The following ABCB11 variants were observed in gnomAD, a reference collection of about 807,000 sequenced individuals.
ABCB11 encodes bile salt export pump.
In ABCB11, 95 loss-of-function variants were observed where a neutral mutation model predicts 148.0. That is an observed-to-expected ratio of 0.64 (90% confidence interval 0.54 to 0.76). ABCB11 has a LOEUF of 0.76. Ranked by LOEUF, ABCB11 falls within the 30% of genes least tolerant of loss-of-function variation. The pLI, the probability that ABCB11 is intolerant of heterozygous loss-of-function variation, is 0.00. For missense variants in ABCB11, 1,523 were observed against 1,617.8 expected (o/e 0.94, Z 1.01); for synonymous variants, 591 against 555.4 (o/e 1.06, Z -0.90).
At chr2:168,981,420 C>T (rs528038075) in intron 10 of ABCB11, among the ~76,000 whole-genome samples, 1 of 152,188 alleles carries the variant, frequency 6.6e-6, no homozygotes, top group Non-Finnish European at 1.5e-5. Flanking sequence ...ATCTTTCAAG[C>T]CCCCATTTCT....
chr2:168,962,582 C>T (rs1043842403), intron 18 of ABCB11, among the ~76,000 whole-genome samples: 4 of 151,586 alleles, frequency 2.6e-5, no homozygotes, highest in Non-Finnish European at 5.9e-5. Context: ...TCCTTTCTTA[C>T]TTTTACTTTT....
At position 168,935,322 on chromosome 2, in the gene ABCB11, GTCTTGAAGGGCT is replaced by G. The variant is rs759850007; in HGVS notation, c.2906_2917del (p.Lys969_Lys972del). ...GTAAATATTGGCTTTCTGAATGGCT[GTCTTGAAGGGCT>G]TCTCCAGCTCAGTCTCAAGTGCTTC... On this transcript the variant is annotated inframe_deletion, in exon 23 of 28. Coordinates refer to ENST00000650372, the MANE Select transcript of ABCB11 (RefSeq NM_003742.4). 2 of 1,614,042 alleles carry G rather than the reference GTCTTGAAGGGCT, an allele frequency of 1.2e-6. No homozygotes were observed. The highest frequency in any genetic ancestry group is 1.7e-6 in the Non-Finnish European group (2 of 1,179,902).
chr2:168,949,432 T>C (rs1434403970), intron 19 of ABCB11, among the ~76,000 whole-genome samples: 3 of 151,638 alleles, frequency 2.0e-5, no homozygotes, highest in African/African-American at 7.3e-5. Flanking sequence ...TAGCTCTCAC[T>C]TTTAAGTGAG....
chr2:168,985,220 T>A (rs1694274145), intron 10 of ABCB11, among the ~76,000 whole-genome samples: 1 of 152,060 alleles, frequency 6.6e-6, no homozygotes, highest in South Asian at 2.1e-4. Flanking sequence ...CTTGCAAGAA[T>A]GGCTATAATA....
chr2:168,948,000 T>C (rs1005987926), intron 19 of ABCB11, among the ~76,000 whole-genome samples: 3 of 151,516 alleles, frequency 2.0e-5, no homozygotes, highest in African/African-American at 7.3e-5. Flanking sequence ...ATCTTAGAGA[T>C]CATCTTTTAA....
At chr2:169,015,681 C>T (rs1480882291) in intron 3 of ABCB11, among the ~76,000 whole-genome samples, 1 of 152,132 alleles carries the variant, frequency 6.6e-6, no homozygotes, top group African/African-American at 2.4e-5. Context: ...ACCCCCCACG[C>T]ACCATTTCAT....
intron 18 of ABCB11, among the ~76,000 whole-genome samples, chr2:168,963,407 T>C (rs1393915755): frequency 6.6e-6 from 1 of 151,666 alleles, no homozygotes; most frequent in African/African-American, 2.4e-5. Context: ...CCATGAAAAT[T>C]TTCTAACGAA....
intron 26 of ABCB11, among the ~76,000 whole-genome samples, chr2:168,926,879 C>T (rs887359130): frequency 1.3e-5 from 2 of 152,124 alleles, no homozygotes; most frequent in South Asian, 2.1e-4. Flanking sequence ...TTCTTATCTA[C>T]TTTATACACA....
In ABCB11 at chr2:168,991,596, C is replaced by A. The variant is rs114410986; in HGVS notation, c.784-671G>T. ...TAAGAAGAGGAAAAAACACATATTGCGGAAGATCAACTAGCTCAGAAATAT... is the reference window on the plus strand; with the variant it reads ...TAAGAAGAGGAAAAAACACATATTGAGGAAGATCAACTAGCTCAGAAATAT... On this transcript the variant is annotated intron_variant, in intron 8 of 27. Coordinates refer to ENST00000650372, the MANE Select transcript of ABCB11 (RefSeq NM_003742.4). Among the ~76,000 whole-genome samples the A allele has an allele frequency of 7.7e-3, 1,163 of 152,016 alleles. 12 individuals are homozygous for A. The highest frequency in any genetic ancestry group is 0.02 in the Middle Eastern group (6 of 294).
intron 21 of ABCB11, among the ~76,000 whole-genome samples, chr2:168,936,778 A>G (rs1420909237): frequency 6.6e-6 from 1 of 152,202 alleles, no homozygotes; most frequent in Non-Finnish European, 1.5e-5. Context: ...GTAGAATCAT[A>G]CAATATTTTT....
Position 168,996,637 on chromosome 2 carries a change from G to T in ABCB11, c.475C>A (p.Gln159Lys). Residue 159 changes from glutamine to lysine, a missense_variant and splice_region_variant, in exon 6 of 28, where the codon CAA becomes AAA. Transcript: ENST00000650372. ...AVAVLITGYI[Q>K]ICFWVIAAAR... ...AATTATACGGAGGAGCTACTAACTT[G>T]AATATATCCTGTGATAAGTACTGCG... The T allele has an allele frequency of 1.3e-6, 2 of 1,508,868 alleles. No individual in the cohort carries two copies. Among genetic ancestry groups the T allele is most frequent in the Non-Finnish European group, 1.8e-6 (2 of 1,117,716 alleles). The allele number at this position is 1,508,868 out of a possible 1,614,324, so 93.5% of individuals were successfully genotyped here. A position where few individuals can be genotyped will look rare whatever the true frequency, so the allele number is the denominator to read the frequency against.
In ABCB11 at chr2:168,944,930, C is replaced by A; in HGVS notation, c.2375G>T (p.Arg792Met). Reference protein sequence around the residue: ...TFSIPDKEEQRSQINGVCLLF... With the variant: ...TFSIPDKEEQMSQINGVCLLF... ...TAGGCACACACCATTGATCTGTGAC[C>A]TTTGTTCCTCTTTATCAGGAATTGA... The change falls in exon 20 of 28, where the codon AGG becomes ATG. Residue 792 changes from arginine to methionine, a missense_variant. Coordinates refer to ENST00000650372, the MANE Select transcript of ABCB11 (RefSeq NM_003742.4). The A allele has an allele frequency of 1.3e-6, 2 of 1,563,218 alleles. No individual in the cohort carries two copies. The highest frequency in any genetic ancestry group is 1.4e-5 in the African/African-American group (1 of 73,654).
intron 25 of ABCB11, among the ~76,000 whole-genome samples, chr2:168,929,041 C>T (rs1297014718): frequency 6.6e-6 from 1 of 152,064 alleles, no homozygotes; most frequent in Non-Finnish European, 1.5e-5. Flanking sequence ...TTATACTCTT[C>T]ATAATAGTAT....
At chr2:168,934,225 G>C (rs1261950512) in intron 23 of ABCB11, among the ~76,000 whole-genome samples, 6 of 152,200 alleles carry the variant, frequency 3.9e-5, no homozygotes, top group Middle Eastern at 6.8e-3. Context: ...TTAGAAAAGA[G>C]ACACTTTCCT....
intron 5 of ABCB11, among the ~76,000 whole-genome samples, chr2:168,999,337 T>G (rs1156860329): frequency 1.3e-5 from 2 of 151,982 alleles, no homozygotes; most frequent in African/African-American, 2.4e-5. Flanking sequence ...AGCTTACAGA[T>G]TTACTAAAGC....
intron 14 of ABCB11, 99 bp from the exon 15 acceptor site, chr2:168,970,314 G>A: frequency 1.3e-6 from 2 of 1,545,864 alleles, no homozygotes; most frequent in South Asian, 1.2e-5. Flanking sequence ...TTCTTCTCAA[G>A]CACGAATTTT....
intron 5 of ABCB11, among the ~76,000 whole-genome samples, chr2:169,012,405 A>G (rs1332862728): frequency 6.6e-6 from 1 of 152,146 alleles, no homozygotes; most frequent in Non-Finnish European, 1.5e-5. Context: ...AAACAGTAGC[A>G]TAGTGACTGT....
rs552031208 is a variant in ABCB11, at chr2:168,939,405, A to C, written c.2611-2972T>G. Reference sequence around the variant, plus strand: ...ATTGAAAAACTTTGTACATTGTATGAAAGTGTCAGTTATTCCCCATCCTCA... The same window carrying C: ...ATTGAAAAACTTTGTACATTGTATGCAAGTGTCAGTTATTCCCCATCCTCA... On this transcript the variant is annotated intron_variant, in intron 21 of 27. Coordinates refer to ENST00000650372, the MANE Select transcript of ABCB11 (RefSeq NM_003742.4). Among the ~76,000 whole-genome samples the C allele has an allele frequency of 1.1e-4, 16 of 152,242 alleles. No individual in the cohort carries two copies. The South Asian group carries it at 3.3e-3, about 32-fold the overall frequency.
At chr2:168,950,140 T>TACACACAC (rs36026125) in intron 19 of ABCB11, among the ~76,000 whole-genome samples, 1 of 143,976 alleles carries the variant, frequency 6.9e-6, no homozygotes, top group African/African-American at 2.6e-5. Context: ...TATATATATA[T>TACACACAC]ACACACACAC....
Sources: gnomAD v4.1 joint callset for allele counts (sites outside exome capture counted in the v4.1 genomes callset) on GRCh38, gnomAD v4.1.1 for gene constraint, MANE v1.5 for transcripts, NCBI Gene and HGNC (gene_info 2026-07-23, HGNC 2026-07-21) for gene names.